Variants in CPNE4 observed in about 807,000 individuals in gnomAD.
CPNE4 encodes copine-4.
A neutral mutation model predicts 67.9 loss-of-function variants in CPNE4; 25 were observed. The observed-to-expected ratio is 0.37, with a 90% CI of 0.27 to 0.51. The LOEUF is 0.51. Among genes scored for constraint, CPNE4 ranks in the 20% least tolerant of loss-of-function variants. The pLI, the probability that CPNE4 is intolerant of heterozygous loss-of-function variation, is 0.93. For synonymous variants in CPNE4, 242 were observed against 244.9 expected (o/e 0.99, Z 0.11); for missense variants, 464 against 690.8 (o/e 0.67, Z 3.68).
chr3:131,910,311 A>G (rs2088928385), intron 1 of CPNE4, among the ~76,000 whole-genome samples: 2 of 152,154 alleles, frequency 1.3e-5, no homozygotes, highest in Admixed American at 1.3e-4. Flanking sequence ...AAATGACCAT[A>G]GCTCTATCTG....
chr3:131,759,537 C>CAA (rs753587650), intron 2 of CPNE4, among the ~76,000 whole-genome samples: 2 of 152,044 alleles, frequency 1.3e-5, no homozygotes, highest in Non-Finnish European at 2.9e-5. Flanking sequence ...CTCAAGCAAA[C>CAA]AAATGGACAT....
At chr3:131,656,053 CTTTT>C (rs11360041) in intron 7 of CPNE4, among the ~76,000 whole-genome samples, 25 of 131,652 alleles carry the variant, frequency 1.9e-4, no homozygotes, top group African/African-American at 6.5e-4. Context: ...AATACTGTTT[CTTTT>C]TTTTTTTTTT....
At chr3:131,952,854 G>A (rs575985627) in intron 1 of CPNE4, among the ~76,000 whole-genome samples, 2 of 152,306 alleles carry the variant, frequency 1.3e-5, no homozygotes, top group Non-Finnish European at 2.9e-5. Context: ...TGTCTGTGTA[G>A]AAAGAATTAG....
intron 7 of CPNE4, among the ~76,000 whole-genome samples, chr3:131,617,524 G>A (rs376455835): frequency 2.6e-4 from 39 of 152,186 alleles, no homozygotes; most frequent in South Asian, 2.3e-3. Context: ...TAATACAGAC[G>A]CCTTTTCAAT....
At chr3:131,743,986 A>G (rs1032152591) in intron 2 of CPNE4, among the ~76,000 whole-genome samples, 9 of 147,342 alleles carry the variant, frequency 6.1e-5, no homozygotes, top group South Asian at 2.1e-4. Context: ...AAAAAAAAAC[A>G]ATAAAAGCAT....
chr3:131,937,688 T>C (rs1319799064), intron 1 of CPNE4, among the ~76,000 whole-genome samples: 1 of 151,896 alleles, frequency 6.6e-6, no homozygotes, highest in Middle Eastern at 3.2e-3. Flanking sequence ...TACATGCAAA[T>C]AACAGAAATT....
At chr3:131,547,455 CAAAAAAAAAAAAAAAA>C (rs56412825) in intron 14 of CPNE4, among the ~76,000 whole-genome samples, 14 of 36,542 alleles carry the variant, frequency 3.8e-4, no homozygotes, top group African/African-American at 6.0e-4. Context: ...GACCCTGTCG[CAAAAAAAAAAAAAAAA>C]AAAAAAAAAA....
At chr3:131,630,985 G>A (rs748661997) in intron 7 of CPNE4, among the ~76,000 whole-genome samples, 16 of 152,198 alleles carry the variant, frequency 1.1e-4, no homozygotes, top group Non-Finnish European at 2.2e-4. Flanking sequence ...AGAGAAGTCT[G>A]AAGCCACTTG....
At chr3:131,854,487 A>C (rs551402375) in intron 2 of CPNE4, among the ~76,000 whole-genome samples, 9 of 152,024 alleles carry the variant, frequency 5.9e-5, no homozygotes, top group East Asian at 5.8e-4. Context: ...ATTGAACATC[A>C]AACTGAATCA....
intron 2 of CPNE4, among the ~76,000 whole-genome samples, chr3:131,828,572 C>A (rs757036772): frequency 6.6e-5 from 10 of 152,186 alleles, no homozygotes; most frequent in Non-Finnish European, 1.0e-4. Context: ...GTTTGAGCTG[C>A]TGCAAAGAAA....
At chr3:131,832,757 G>T (rs2085422454) in intron 2 of CPNE4, among the ~76,000 whole-genome samples, 1 of 152,134 alleles carries the variant, frequency 6.6e-6, no homozygotes, top group South Asian at 2.1e-4. Flanking sequence ...TGATTTAGAT[G>T]ACATTTAAAT....
upstream of CPNE4, chr3:132,037,882 T>G (rs76799334): frequency 6.9e-3 from 2,431 of 353,794 alleles, 59 homozygotes; most frequent in African/African-American, 0.045. Flanking sequence ...GAGCAGATGA[T>G]GAAGGGGAAA....
chr3:131,767,921 G>A (rs2083064240), intron 2 of CPNE4, among the ~76,000 whole-genome samples: 2 of 151,980 alleles, frequency 1.3e-5, no homozygotes, highest in East Asian at 3.9e-4. Context: ...TGGACTGTCT[G>A]GGTCTTAGGC....
intron 1 of CPNE4, among the ~76,000 whole-genome samples, chr3:131,935,151 A>AT (rs1255397116): frequency 3.3e-5 from 5 of 152,240 alleles, no homozygotes; most frequent in South Asian, 2.1e-4. Context: ...CCCATGTGTG[A>AT]TTTTTTTCCA....
intron 7 of CPNE4, among the ~76,000 whole-genome samples, chr3:131,652,426 G>T (rs1484420435): frequency 6.6e-6 from 1 of 152,104 alleles, no homozygotes; most frequent in African/African-American, 2.4e-5. Context: ...GAATACACTT[G>T]CCCATACCGG....
chr3:131,857,525 G>T (rs2086497737), intron 2 of CPNE4, among the ~76,000 whole-genome samples: 2 of 151,968 alleles, frequency 1.3e-5, no homozygotes, highest in African/African-American at 4.8e-5. Context: ...TTGACTTTGG[G>T]GGGATATTTC....
chr3:131,579,241 G>A (rs958245619), intron 9 of CPNE4, among the ~76,000 whole-genome samples: 4 of 152,160 alleles, frequency 2.6e-5, no homozygotes, highest in African/African-American at 9.7e-5. Context: ...GCAAAGCCTG[G>A]ATGGCATCAC....
At chr3:131,792,628 T>C (rs1358868594) in intron 2 of CPNE4, among the ~76,000 whole-genome samples, 4 of 107,700 alleles carry the variant, frequency 3.7e-5, no homozygotes, top group East Asian at 6.4e-4. Flanking sequence ...TGTATATATA[T>C]ATACACACGT....
intron 1 of CPNE4, among the ~76,000 whole-genome samples, chr3:131,907,084 C>T (rs960025278): frequency 3.3e-5 from 5 of 152,056 alleles, no homozygotes; most frequent in Admixed American, 6.6e-5. Flanking sequence ...GACATTTATG[C>T]AGCCAAAAAA....
Sources: gnomAD v4.1 joint callset for allele counts (sites outside exome capture counted in the v4.1 genomes callset) on GRCh38, gnomAD v4.1.1 for gene constraint, MANE v1.5 for transcripts, NCBI Gene and HGNC (gene_info 2026-07-23, HGNC 2026-07-21) for gene names.